MEI4: variants seen among roughly 807,000 people sequenced by gnomAD.
MEI4 encodes the protein meiotic double-stranded break formation protein 4, also known as meiosis-specific protein MEI4.
In MEI4, 27 loss-of-function variants were observed where a neutral mutation model predicts 31.4. That is an observed-to-expected ratio of 0.86 (90% CI 0.63 to 1.19). MEI4 has a LOEUF of 1.19. Ranked by LOEUF, MEI4 falls within the 50% of genes most tolerant of loss-of-function variation. The pLI is 0.00. For missense variants in MEI4, 329 were observed against 398.9 expected (o/e 0.82, Z 1.49); for synonymous variants, 122 against 145.4 (o/e 0.84, Z 1.16).
chr6:77,888,775 T>C (rs1214397132), intron 4 of MEI4, among the ~76,000 whole-genome samples: 1 of 152,166 alleles, frequency 6.6e-6, no homozygotes, highest in East Asian at 1.9e-4. Flanking sequence ...CCAAATCTCA[T>C]CTTGAATTGT....
chr6:77,776,745 T>C (rs1768451730), intron 3 of MEI4, among the ~76,000 whole-genome samples: 1 of 152,188 alleles, frequency 6.6e-6, no homozygotes, highest in Non-Finnish European at 1.5e-5. Flanking sequence ...TGCATTTTGA[T>C]ACCATTTAAG....
At chr6:77,897,237 C>T (rs1766099951) in intron 4 of MEI4, among the ~76,000 whole-genome samples, 1 of 152,098 alleles carries the variant, frequency 6.6e-6, no homozygotes, top group African/African-American at 2.4e-5. Flanking sequence ...AAGTAATATT[C>T]TAGTTTCTCA....
chr6:77,750,930 C>T (rs1261944670), intron 2 of MEI4, among the ~76,000 whole-genome samples: 1 of 152,080 alleles, frequency 6.6e-6, no homozygotes, highest in East Asian at 1.9e-4. Context: ...TCTCTCAGAC[C>T]ACAGTGCAAA....
At position 77,732,410 on chromosome 6, in the gene MEI4, C is replaced by G. The variant is rs189977641; in HGVS notation, c.233-28720C>G. 1.5e-3 allele frequency among the ~76,000 whole-genome samples: 233 copies of G among 152,078 alleles called. 2 individuals carry two copies. The highest frequency in any genetic ancestry group is 5.4e-3 in the African/African-American group (223 of 41,406). On this transcript the variant is annotated intron_variant, in intron 2 of 4. Transcript: ENST00000684080. Reference sequence around the variant, plus strand: ...AAGCAATTGTGAATGGGAGTTCACTCATGATTTGGCTCTATGTTTGTCTGT... The same window carrying G: ...AAGCAATTGTGAATGGGAGTTCACTGATGATTTGGCTCTATGTTTGTCTGT...
intron 1 of MEI4, among the ~76,000 whole-genome samples, chr6:77,666,447 C>T (rs1016266663): frequency 2.0e-5 from 3 of 152,136 alleles, no homozygotes; most frequent in Admixed American, 1.3e-4. Flanking sequence ...TGACAGTAGT[C>T]TCAAGTGGAT....
At chr6:77,796,847 C>T (rs1246850804) in intron 3 of MEI4, among the ~76,000 whole-genome samples, 2 of 152,134 alleles carry the variant, frequency 1.3e-5, no homozygotes, top group Admixed American at 1.3e-4. Flanking sequence ...TGCTAAAATT[C>T]CTGTGGAACC....
At chr6:77,916,152 T>C (rs1766539637) in intron 4 of MEI4, among the ~76,000 whole-genome samples, 1 of 152,108 alleles carries the variant, frequency 6.6e-6, no homozygotes, top group Non-Finnish European at 1.5e-5. Context: ...CTCATTCATA[T>C]CATGAATTAC....
chr6:77,676,977 T>A (rs1768856356), intron 1 of MEI4, among the ~76,000 whole-genome samples: 1 of 152,170 alleles, frequency 6.6e-6, no homozygotes, highest in Admixed American at 6.5e-5. Flanking sequence ...AGAATGGTTA[T>A]TAGAATGATG....
At position 77,724,646 on chromosome 6, in the gene MEI4, C is replaced by T. The variant is rs972382540; in HGVS notation, c.232+33743C>T. Among the ~76,000 whole-genome samples the T allele has an allele frequency of 3.0e-4, 45 of 147,976 alleles. 1 individual carries two copies. The highest frequency in any genetic ancestry group is 7.8e-4 in the African/African-American group (31 of 39,680). On this transcript the variant is annotated intron_variant, in intron 2 of 4. Coordinates refer to ENST00000684080, the MANE Select transcript of MEI4 (RefSeq NM_001322247.2). ...GAGGCCAGTATTGATAGGCTACTGG[C>T]GGTTGGGTCTTATTTTCTTTAACCT...
chr6:77,868,313 C>T (rs1017467551), intron 4 of MEI4, among the ~76,000 whole-genome samples: 4 of 150,634 alleles, frequency 2.7e-5, no homozygotes, highest in Non-Finnish European at 4.4e-5. Flanking sequence ...GGTTGCAAAT[C>T]TTATACTGAT....
intron 3 of MEI4, among the ~76,000 whole-genome samples, chr6:77,824,901 A>G (rs1769906829): frequency 6.6e-6 from 1 of 152,174 alleles, no homozygotes; most frequent in South Asian, 2.1e-4. Context: ...GTATCATAGA[A>G]AAAGAATCGT....
upstream of MEI4, among the ~76,000 whole-genome samples, chr6:77,651,708 C>T (rs979631570): frequency 6.6e-6 from 1 of 152,042 alleles, no homozygotes; most frequent in Non-Finnish European, 1.5e-5. Flanking sequence ...AGTTTCAGAT[C>T]AAATGAAATA....
At chr6:77,701,149 T>A (rs1766213581) in intron 2 of MEI4, among the ~76,000 whole-genome samples, 1 of 152,144 alleles carries the variant, frequency 6.6e-6, no homozygotes, top group Non-Finnish European at 1.5e-5. Context: ...AATCTCTTTT[T>A]AAATTTATTT....
chr6:77,773,239 A>G (rs192396437), intron 3 of MEI4, among the ~76,000 whole-genome samples: 23 of 152,188 alleles, frequency 1.5e-4, no homozygotes, highest in Non-Finnish European at 1.9e-4. Context: ...AGCCAAAGGT[A>G]TCTGGGGCAA....
At chr6:77,919,360 A>G (rs1294498652) in intron 4 of MEI4, among the ~76,000 whole-genome samples, 1 of 152,118 alleles carries the variant, frequency 6.6e-6, no homozygotes, top group Admixed American at 6.6e-5. Context: ...AAAACCGCTC[A>G]ACTACATGGA....
intron 3 of MEI4, among the ~76,000 whole-genome samples, chr6:77,787,857 A>G (rs1768787048): frequency 6.6e-6 from 1 of 152,256 alleles, no homozygotes; most frequent in Admixed American, 6.5e-5. Flanking sequence ...AGAAATAGAA[A>G]CCACTTGATC....
At chr6:77,786,265 TACTG>T (rs1490365151) in intron 3 of MEI4, among the ~76,000 whole-genome samples, 1 of 152,148 alleles carries the variant, frequency 6.6e-6, no homozygotes, top group African/African-American at 2.4e-5. Context: ...TAACAGCTGA[TACTG>T]AGTGATTTTA....
chr6:77,770,360 A>T (rs529983878), intron 3 of MEI4, among the ~76,000 whole-genome samples: 1 of 152,306 alleles, frequency 6.6e-6, no homozygotes, highest in East Asian at 1.9e-4. Flanking sequence ...TTGCTCAAAC[A>T]AATCATAGAT....
intron 1 of MEI4, among the ~76,000 whole-genome samples, chr6:77,656,578 G>C (rs1331203617): frequency 6.6e-6 from 1 of 152,142 alleles, no homozygotes; most frequent in Non-Finnish European, 1.5e-5. Flanking sequence ...CTTAACTCTA[G>C]TGCCTGGCAC....
Sources: gnomAD v4.1 joint callset for allele counts (sites outside exome capture counted in the v4.1 genomes callset) on GRCh38, gnomAD v4.1.1 for gene constraint, MANE v1.5 for transcripts, NCBI Gene and HGNC (gene_info 2026-07-23, HGNC 2026-07-21) for gene names.